Variants in MYRIP observed in about 807,000 individuals in gnomAD.
MYRIP encodes the protein myosin VIIA and Rab interacting protein.
A neutral mutation model predicts 98.0 loss-of-function variants in MYRIP; 49 were observed. The observed-to-expected ratio is 0.50, with a 90% CI of 0.40 to 0.63. The LOEUF (loss-of-function observed/expected upper bound fraction) is 0.63, where lower values mean the gene tolerates loss of function less well. Among genes scored for constraint, MYRIP ranks in the 30% least tolerant of loss-of-function variants. The pLI is 0.00. For synonymous variants in MYRIP, 404 were observed against 409.5 expected (o/e 0.99, Z 0.16); for missense variants, 1,004 against 1,058.2 (o/e 0.95, Z 0.71).
chr3:40,019,367 T>C (rs1455719914), intron 2 of MYRIP, among the ~76,000 whole-genome samples: 1 of 152,162 alleles, frequency 6.6e-6, no homozygotes, highest in Non-Finnish European at 1.5e-5. Context: ...ACAAGGTGTC[T>C]TCTCTCCCTA....
chr3:39,975,289 C>A (rs972159808), intron 2 of MYRIP, among the ~76,000 whole-genome samples: 5 of 152,108 alleles, frequency 3.3e-5, no homozygotes, highest in Non-Finnish European at 7.3e-5. Flanking sequence ...AGTGAACTCC[C>A]ATTCACAATT....
intron 1 of MYRIP, among the ~76,000 whole-genome samples, chr3:39,858,798 A>G (rs942365433): frequency 6.6e-6 from 1 of 152,102 alleles, no homozygotes; most frequent in Non-Finnish European, 1.5e-5. Context: ...AATGGGTCAA[A>G]TAATAAATCA....
chr3:39,980,830 G>T (rs1945876672), intron 2 of MYRIP, among the ~76,000 whole-genome samples: 1 of 152,138 alleles, frequency 6.6e-6, no homozygotes, highest in South Asian at 2.1e-4. Flanking sequence ...AGTGCCTAGA[G>T]TAGTGAAAAA....
intron 9 of MYRIP, among the ~76,000 whole-genome samples, chr3:40,188,641 G>C (rs2125627173): frequency 6.6e-6 from 1 of 152,314 alleles, no homozygotes; most frequent in Admixed American, 6.5e-5. Context: ...GCCAGGTGTG[G>C]TGGTGTGCAC....
chr3:39,865,564 A>G (rs544002331), intron 1 of MYRIP, among the ~76,000 whole-genome samples: 55 of 152,340 alleles, frequency 3.6e-4, no homozygotes, highest in African/African-American at 1.3e-3. Flanking sequence ...GTCAACAAGC[A>G]TATGAAAAAA....
Position 40,181,921 on chromosome 3 carries a change from T to C in MYRIP, c.874-299T>C, listed in dbSNP as rs558951148. Among the ~76,000 whole-genome samples the C allele has an allele frequency of 2.6e-4, 40 of 152,278 alleles. No individual in the cohort carries two copies. In the South Asian group the frequency reaches 6.2e-3, roughly 24 times the overall value. ...CCCGAGAGCAACTCATCACACACAG[T>C]TGGCCCTGAGAAATATTGGCCGCAA... is the stretch of plus-strand genomic sequence containing the variant. On this transcript the variant is annotated intron_variant, in intron 8 of 16. Coordinates refer to ENST00000302541, the MANE Select transcript of MYRIP (RefSeq NM_015460.4).
chr3:40,255,516 C>T (rs369499119), intron 16 of MYRIP, among the ~76,000 whole-genome samples: 7 of 151,812 alleles, frequency 4.6e-5, no homozygotes, highest in Non-Finnish European at 8.8e-5. Flanking sequence ...AGGTTAAAAA[C>T]GAAAGAACAG....
chr3:39,819,970 T>A (rs1199474903), intron 1 of MYRIP, among the ~76,000 whole-genome samples: 2 of 152,206 alleles, frequency 1.3e-5, no homozygotes, highest in Non-Finnish European at 2.9e-5. Flanking sequence ...TGTAAGGAAT[T>A]CCATTTTGTG....
rs1943523485 is a variant in MYRIP, at chr3:39,892,963, C to T, written c.-30-7824C>T. Among the ~76,000 whole-genome samples the T allele has an allele frequency of 4.6e-5, 7 of 152,142 alleles. 1 individual carries two copies. The South Asian group carries it at 1.4e-3, about 32-fold the overall frequency. ...GCAAAACTTTAAAGGGACACATCCC[C>T]TTTGTGTTTTAAGAGGTTCTTGCAA... is the stretch of plus-strand genomic sequence containing the variant. On this transcript the variant is annotated intron_variant, in intron 1 of 16. Coordinates refer to ENST00000302541, the MANE Select transcript of MYRIP (RefSeq NM_015460.4).
intron 2 of MYRIP, among the ~76,000 whole-genome samples, chr3:40,006,963 A>G (rs1946648833): frequency 6.6e-6 from 1 of 152,086 alleles, no homozygotes; most frequent in Non-Finnish European, 1.5e-5. Flanking sequence ...GGCTCGGGCA[A>G]TCCTCCCACC....
intron 2 of MYRIP, among the ~76,000 whole-genome samples, chr3:40,009,176 C>T (rs1309672310): frequency 6.6e-6 from 1 of 151,986 alleles, no homozygotes; most frequent in Admixed American, 6.5e-5. Context: ...CAGACCCTGC[C>T]ATTGCTGGCG....
chr3:40,137,787 G>C (rs1444282515), intron 3 of MYRIP, among the ~76,000 whole-genome samples: 2 of 152,090 alleles, frequency 1.3e-5, no homozygotes, highest in East Asian at 3.9e-4. Flanking sequence ...GTATATATGA[G>C]ATGAATAAGC....
chr3:39,853,848 G>A (rs1942211015), intron 1 of MYRIP, among the ~76,000 whole-genome samples: 1 of 151,930 alleles, frequency 6.6e-6, no homozygotes, highest in African/African-American at 2.4e-5. Context: ...GTCTAGAAGA[G>A]TTTTTCCAAT....
chr3:40,152,304 C>G (rs1029720270), intron 4 of MYRIP, among the ~76,000 whole-genome samples: 2 of 152,156 alleles, frequency 1.3e-5, no homozygotes, highest in Non-Finnish European at 2.9e-5. Flanking sequence ...CATTTGCATC[C>G]CATCCTCTTT....
At chr3:40,224,207 G>A (rs771434707) in intron 11 of MYRIP, among the ~76,000 whole-genome samples, 1 of 152,150 alleles carries the variant, frequency 6.6e-6, no homozygotes, top group African/African-American at 2.4e-5. Flanking sequence ...AAAGGTTGAA[G>A]TGGACAAGTG....
At chr3:39,998,970 C>G (rs569827740) in intron 2 of MYRIP, among the ~76,000 whole-genome samples, 3 of 152,228 alleles carry the variant, frequency 2.0e-5, no homozygotes, top group Non-Finnish European at 4.4e-5. Context: ...AACTGGCTAG[C>G]CACATGTAGA....
At chr3:39,834,405 TAACA>T (rs1430082035) in intron 1 of MYRIP, among the ~76,000 whole-genome samples, 1 of 152,214 alleles carries the variant, frequency 6.6e-6, no homozygotes, top group Non-Finnish European at 1.5e-5. Context: ...GGAATAAATT[TAACA>T]AACAAAACAC....
At chr3:39,941,990 C>T (rs1944796589) in intron 2 of MYRIP, among the ~76,000 whole-genome samples, 1 of 152,120 alleles carries the variant, frequency 6.6e-6, no homozygotes, top group Non-Finnish European at 1.5e-5. Context: ...CATGTTTGAT[C>T]CTTTTGAAAC....
intron 2 of MYRIP, among the ~76,000 whole-genome samples, chr3:39,977,669 A>C (rs1945790677): frequency 6.6e-6 from 1 of 152,194 alleles, no homozygotes; most frequent in African/African-American, 2.4e-5. Context: ...GGGTAGAACA[A>C]ACAAGGAGCA....
Sources: allele counts gnomAD v4.1 joint callset (sites outside exome capture counted in the v4.1 genomes callset), GRCh38; gene constraint gnomAD v4.1.1; transcripts MANE v1.5; gene names NCBI Gene and HGNC (gene_info 2026-07-23, HGNC 2026-07-21).